The following HYAL4 variants were observed in gnomAD, a reference collection of about 807,000 sequenced individuals.
HYAL4 encodes hyaluronidase 4, also known as hyaluronidase-4.
A neutral mutation model predicts 35.2 loss-of-function variants in HYAL4; 37 were observed. The observed-to-expected ratio is 1.05, with a 90% CI of 0.81 to 1.38. The LOEUF (loss-of-function observed/expected upper bound fraction) is 1.38. Ranked by LOEUF, HYAL4 falls within the 40% of genes most tolerant of loss-of-function variation. The pLI is 0.00. For synonymous variants in HYAL4, 198 were observed against 203.2 expected (o/e 0.97, Z 0.22); for missense variants, 572 against 572.4 (o/e 1.00, Z 0.01).
At chr7:123,847,892 A>G (rs1806210507) in intron 1 of HYAL4, among the ~76,000 whole-genome samples, 197 bp from the exon 2 acceptor site, 1 of 152,204 alleles carries the variant, frequency 6.6e-6, no homozygotes. Flanking sequence ...TTTTCCAGCT[A>G]AAGAGTCAAA....
chr7:123,765,277 A>G, the HYAL4 span, among the ~76,000 whole-genome samples: 2 of 152,202 alleles, frequency 1.3e-5, no homozygotes, highest in African/African-American at 2.4e-5. Flanking sequence ...GTATAGAAAA[A>G]TGTTGTTCTC....
chr7:123,806,794 T>C, the HYAL4 span, among the ~76,000 whole-genome samples: 9 of 152,040 alleles, frequency 5.9e-5, no homozygotes, highest in Non-Finnish European at 1.5e-5. Flanking sequence ...CTCTCTCTCT[T>C]CCTTTCACCT....
intron 1 of HYAL4, among the ~76,000 whole-genome samples, chr7:123,833,960 C>T (rs1213112308): frequency 1.3e-5 from 2 of 152,090 alleles, no homozygotes; most frequent in Admixed American, 1.3e-4. Flanking sequence ...ATTTTTATAT[C>T]AGTATTATGC....
chr7:123,774,549 T>C, the HYAL4 span, among the ~76,000 whole-genome samples: 2 of 152,200 alleles, frequency 1.3e-5, no homozygotes, highest in African/African-American at 4.8e-5. Context: ...TTAATGGATC[T>C]CTCTTTTTCC....
intron 1 of HYAL4, among the ~76,000 whole-genome samples, chr7:123,831,480 C>T (rs568332082): frequency 2.0e-5 from 3 of 152,202 alleles, no homozygotes; most frequent in Admixed American, 6.5e-5. Context: ...TGTTATAGTA[C>T]TCTTATTTTG....
the HYAL4 span, among the ~76,000 whole-genome samples, chr7:123,807,914 A>AATTATTATTATTATTATTATT: frequency 4.4e-5 from 6 of 136,556 alleles, no homozygotes; most frequent in East Asian, 4.2e-4. Flanking sequence ...TTAGCTGGAT[A>AATTATTATTATTATTATTATT]ATTATTATTA....
chr7:123,822,240 T>G, the HYAL4 span, among the ~76,000 whole-genome samples: 26 of 152,168 alleles, frequency 1.7e-4, no homozygotes, highest in African/African-American at 6.3e-4. Flanking sequence ...TTGGATAGTA[T>G]GGACATTTTA....
chr7:123,865,340 A>G (rs989779813), intron 2 of HYAL4, among the ~76,000 whole-genome samples: 13 of 152,096 alleles, frequency 8.5e-5, no homozygotes, highest in African/African-American at 2.9e-4. Context: ...ATGTAAATCT[A>G]TTTTTCTTAC....
the HYAL4 span, among the ~76,000 whole-genome samples, chr7:123,787,578 G>A: frequency 6.6e-6 from 1 of 152,124 alleles, no homozygotes; most frequent in Non-Finnish European, 1.5e-5. Context: ...TTGGGATTCT[G>A]ACTGGGAATA....
the HYAL4 span, among the ~76,000 whole-genome samples, chr7:123,821,253 G>T: frequency 6.6e-6 from 1 of 152,090 alleles, no homozygotes; most frequent in Non-Finnish European, 1.5e-5. Context: ...CATAGCTCTT[G>T]TACCATTTAA....
intron 2 of HYAL4, among the ~76,000 whole-genome samples, chr7:123,848,649 T>A (rs1806227190): frequency 6.6e-6 from 1 of 152,366 alleles, no homozygotes; most frequent in East Asian, 1.9e-4. Context: ...AAGCTAACTT[T>A]ATAAACATAA....
At chr7:123,857,726 TTTCTTTCA>T (rs1379795915) in intron 2 of HYAL4, among the ~76,000 whole-genome samples, 1 of 141,084 alleles carries the variant, frequency 7.1e-6, no homozygotes, top group Non-Finnish European at 1.6e-5. Flanking sequence ...TCTTTCTTTC[TTTCTTTCA>T]ATAGAAACAA....
chr7:123,872,632 CT>C (rs1439817506), intron 3 of HYAL4, among the ~76,000 whole-genome samples: 1 of 152,186 alleles, frequency 6.6e-6, no homozygotes, highest in Admixed American at 6.5e-5. Flanking sequence ...AGTACATCTA[CT>C]TTGTTCCTTC....
At chr7:123,845,832 C>T (rs1221093302) in intron 1 of HYAL4, 147 bp downstream of exon 1, 1 of 152,184 alleles carries the variant, frequency 6.6e-6, no homozygotes, top group Non-Finnish European at 1.5e-5. Context: ...ATTTTTTGAC[C>T]CACGGGGTGT....
the HYAL4 span, among the ~76,000 whole-genome samples, chr7:123,774,991 G>C: frequency 6.6e-6 from 1 of 152,186 alleles, no homozygotes; most frequent in Non-Finnish European, 1.5e-5. Context: ...CCCTCTACAA[G>C]AAACTTAAGA....
chr7:123,771,074 C>T, the HYAL4 span, among the ~76,000 whole-genome samples: 9 of 152,228 alleles, frequency 5.9e-5, no homozygotes, highest in East Asian at 1.7e-3. Flanking sequence ...GATAAAAAGT[C>T]CAGTTAGTTC....
At chr7:123,785,760 G>T in the HYAL4 span, among the ~76,000 whole-genome samples, 8 of 152,080 alleles carry the variant, frequency 5.3e-5, no homozygotes, top group African/African-American at 1.7e-4. This position sits in a 1 kb window ranked among gnomAD's most constrained non-coding sequence, Gnocchi z 4.5. Flanking sequence ...CTCAGAGCTG[G>T]ATTAAGGCAT....
the HYAL4 span, among the ~76,000 whole-genome samples, chr7:123,793,831 CT>C: frequency 6.6e-6 from 1 of 152,240 alleles, no homozygotes; most frequent in Non-Finnish European, 1.5e-5. Flanking sequence ...TGGGGTGCTG[CT>C]GTAAAGATAC....
At chr7:123,784,510 T>G in the HYAL4 span, among the ~76,000 whole-genome samples, 1 of 152,200 alleles carries the variant, frequency 6.6e-6, no homozygotes, top group Non-Finnish European at 1.5e-5. Context: ...ATATTCTTAC[T>G]GTTGCTAAAG....
Sources: gnomAD v4.1 joint callset for allele counts (sites outside exome capture counted in the v4.1 genomes callset) on GRCh38, gnomAD v4.1.1 for gene constraint, Gnocchi (gnomAD v3.1) non-coding constraint, MANE v1.5 for transcripts, NCBI Gene and HGNC (gene_info 2026-07-23, HGNC 2026-07-21) for gene names.